ELP4: variants seen among roughly 807,000 people sequenced by gnomAD.
ELP4 encodes the protein elongator complex protein 4.
A neutral mutation model predicts 48.9 loss-of-function variants in ELP4; 51 were observed. The ratio of observed to expected loss-of-function variants is 1.04; its 90% CI spans 0.83 to 1.32. The LOEUF is 1.32. Ranked by LOEUF, ELP4 falls within the 40% of genes most tolerant of loss-of-function variation. ELP4 has a pLI of 0.00. For missense variants in ELP4, 519 were observed against 514.6 expected, an observed-to-expected ratio of 1.01 and a Z score of -0.08; for synonymous variants, 210 against 189.2, an observed-to-expected ratio of 1.11 and a Z score of -0.90.
At chr11:31,587,356 A>AG (rs926561535) in intron 3 of ELP4, among the ~76,000 whole-genome samples, 10 of 152,200 alleles carry the variant, frequency 6.6e-5, no homozygotes, top group African/African-American at 1.9e-4. Flanking sequence ...CTGAAGTAAT[A>AG]GGGGGGAAAA....
At chr11:31,644,805 C>T (rs997540981) in intron 7 of ELP4, among the ~76,000 whole-genome samples, 9 of 151,634 alleles carry the variant, frequency 5.9e-5, no homozygotes, top group Non-Finnish European at 1.2e-4. Flanking sequence ...ATTTTTTTAA[C>T]TTTTTAAAAC....
At chr11:31,707,873 TC>T (rs1227991338) in intron 9 of ELP4, among the ~76,000 whole-genome samples, 2 of 152,124 alleles carry the variant, frequency 1.3e-5, no homozygotes, top group East Asian at 3.9e-4. Context: ...TTACCCTTCA[TC>T]CTCCTTTTAT....
intron 9 of ELP4, chr11:31,654,072 A>G (rs914012847): frequency 6.6e-6 from 1 of 151,666 alleles, no homozygotes; most frequent in Non-Finnish European, 1.5e-5. Context: ...TCATAAAATT[A>G]TCTAATATAA....
At chr11:31,700,379 T>G (rs1274702085) in intron 9 of ELP4, among the ~76,000 whole-genome samples, 1 of 152,020 alleles carries the variant, frequency 6.6e-6, no homozygotes, top group African/African-American at 2.4e-5. Flanking sequence ...GAAAAGGTAA[T>G]AAATACATCA....
chr11:31,717,952 A>G lies in ELP4; in HGVS notation c.1144-65441A>G, dbSNP rs528103504. 6.6e-5 allele frequency among the ~76,000 whole-genome samples: 10 copies of G among 152,222 alleles called. No individual in the cohort carries two copies. The East Asian group carries it at 1.4e-3, about 21-fold the overall frequency. On this transcript the variant is annotated intron_variant, in intron 9 of 9. Transcript: ENST00000640961. Reference sequence around the variant, plus strand: ...ATAGTTGACTCATATTGAGTTTACAATCAACTACACCCCACCCTTTCTTTA... The same window carrying G: ...ATAGTTGACTCATATTGAGTTTACAGTCAACTACACCCCACCCTTTCTTTA...
At chr11:31,730,873 T>C (rs1222985417) in intron 9 of ELP4, among the ~76,000 whole-genome samples, 1 of 151,714 alleles carries the variant, frequency 6.6e-6, no homozygotes, top group Admixed American at 6.6e-5. Flanking sequence ...TTCCTGGGGG[T>C]CACTGAGAAC....
rs1189475542 is a variant in ELP4, at chr11:31,783,941, G to A, written c.*417G>A. The A allele has an allele frequency of 6.5e-6, 1 of 152,896 alleles. No individual in the cohort carries two copies. Among genetic ancestry groups the A allele is most frequent in the Non-Finnish European group, 1.5e-5 (1 of 68,610 alleles). 9.5% of individuals were successfully genotyped at this position (152,896 alleles called of 1,614,324 possible). ...GAAACAGTCACTTGCCACCAAAAAT[G>A]CTGTTTTTTAAATGAAAATGTGTTT... On this transcript the variant is annotated 3_prime_UTR_variant, in exon 10 of 10. Coordinates refer to ENST00000640961, the MANE Select transcript of ELP4 (RefSeq NM_019040.5).
intron 9 of ELP4, among the ~76,000 whole-genome samples, chr11:31,756,280 G>A (rs1947830359): frequency 6.6e-6 from 1 of 152,088 alleles, no homozygotes; most frequent in South Asian, 2.1e-4. Flanking sequence ...CACTTTCCAT[G>A]ACTAAAAGCC....
chr11:31,545,804 G>A (rs1351545578), intron 3 of ELP4, among the ~76,000 whole-genome samples: 1 of 152,130 alleles, frequency 6.6e-6, no homozygotes, highest in Non-Finnish European at 1.5e-5. Flanking sequence ...AACTCTACAA[G>A]CCAGAAGAGA....
Position 31,789,948 on chromosome 11 carries a change from G to A in ELP4, c.*6424G>A, listed in dbSNP as rs1438201375. Reference sequence around the variant, plus strand: ...TTTTTTTTTTTTTACTGTAATCTTGGCCAGTATTGAGACATATCAGGTTCA... The same window carrying A: ...TTTTTTTTTTTTTACTGTAATCTTGACCAGTATTGAGACATATCAGGTTCA... On this transcript the variant is annotated 3_prime_UTR_variant, in exon 10 of 10. Coordinates refer to ENST00000640961, the MANE Select transcript of ELP4 (RefSeq NM_019040.5). The A allele has an allele frequency of 7.0e-7, 1 of 1,432,626 alleles. No individual in the cohort carries two copies. The highest frequency in any genetic ancestry group is 9.5e-7 in the Non-Finnish European group (1 of 1,048,698). 88.7% of individuals were successfully genotyped at this position (1,432,626 alleles called of 1,614,324 possible).
intron 9 of ELP4, chr11:31,689,096 A>G (rs1946220921): frequency 6.6e-6 from 1 of 152,202 alleles, no homozygotes; most frequent in African/African-American, 2.4e-5. Flanking sequence ...TGATTAAAGT[A>G]TGATTAATTA....
chr11:31,603,796 G>C lies in ELP4; in HGVS notation c.542G>C (p.Gly181Ala), dbSNP rs548106901. Residue 181 changes from glycine to alanine, a missense_variant, in exon 5 of 10, where the codon GGT becomes GCT. Physicochemically the swap from Gly to Ala is moderately conservative, Grantham distance 60 (BLOSUM62 0). Transcript: ENST00000640961. ...GGACCAGTATCATCTTCAAGATTTG[G>C]TCACTATTATGATGCATCAAAAAGA... The part of the protein sequence containing the change: ...EIGPVSSSRF[G>A]HYYDASKRMP... The C allele has an allele frequency of 6.2e-7, 1 of 1,608,770 alleles. No individual in the cohort carries two copies.
At chr11:31,758,675 T>G (rs1947881350) in intron 9 of ELP4, among the ~76,000 whole-genome samples, 1 of 151,402 alleles carries the variant, frequency 6.6e-6, no homozygotes, top group African/African-American at 2.4e-5. Flanking sequence ...TGGAACTTTT[T>G]TTTTTTTTTT....
chr11:31,550,621 G>GTTGA (rs1956832446), intron 3 of ELP4, among the ~76,000 whole-genome samples: 1 of 152,136 alleles, frequency 6.6e-6, no homozygotes, highest in South Asian at 2.1e-4. Context: ...AAAAGAGTTG[G>GTTGA]AGGAGCCAAA....
At chr11:31,620,562 G>A (rs1944599516) in intron 5 of ELP4, among the ~76,000 whole-genome samples, 1 of 151,958 alleles carries the variant, frequency 6.6e-6, no homozygotes, top group Non-Finnish European at 1.5e-5. Flanking sequence ...AGATAAGATT[G>A]TTGGAAGAGA....
intron 5 of ELP4, among the ~76,000 whole-genome samples, chr11:31,607,542 A>G (rs1667635729): frequency 6.6e-6 from 1 of 152,156 alleles, no homozygotes; most frequent in Admixed American, 6.5e-5. Context: ...CCCGTTTTTG[A>G]GAGAGGAGCC....
In ELP4 at chr11:31,790,110, A is replaced by AAAAAC. The variant is rs1554982378; in HGVS notation, c.*6590_*6591insCAAAA. The AAAAAC allele has an allele frequency of 2.1e-5, 17 of 799,086 alleles. No individual in the cohort carries two copies. The African/African-American group carries it at 2.2e-4, about 10-fold the overall frequency. The allele number at this position is 799,086 out of a possible 1,614,324, so 49.5% of individuals were successfully genotyped here. A position where few individuals can be genotyped will look rare whatever the true frequency, so the allele number is the denominator to read the frequency against. Reference sequence around the variant, plus strand: ...TTTATAGGTTTACAAAAAAAAAAAAAAAAAAAAAAACTAATACTTTCTAAC... The same window carrying AAAAAC: ...TTTATAGGTTTACAAAAAAAAAAAAAAAAACAAAAAAAAAACTAATACTTTCTAAC... On this transcript the variant is annotated 3_prime_UTR_variant, in exon 10 of 10. Transcript: ENST00000640961.
At chr11:31,769,705 A>G (rs1948099853) in intron 9 of ELP4, among the ~76,000 whole-genome samples, 1 of 152,208 alleles carries the variant, frequency 6.6e-6, no homozygotes, top group Non-Finnish European at 1.5e-5. Flanking sequence ...TAAGAAGCAA[A>G]CATTAGTTTG....
intron 9 of ELP4, among the ~76,000 whole-genome samples, chr11:31,700,578 C>T (rs886878806): frequency 5.3e-5 from 8 of 151,986 alleles, no homozygotes; most frequent in Non-Finnish European, 8.8e-5. Flanking sequence ...TACGTTTTCC[C>T]AGTCTCACAC....
Sources: allele counts gnomAD v4.1 joint callset (sites outside exome capture counted in the v4.1 genomes callset), GRCh38; gene constraint gnomAD v4.1.1; transcripts MANE v1.5; gene names NCBI Gene and HGNC (gene_info 2026-07-23, HGNC 2026-07-21).